The following WDR1 variants were observed in gnomAD, a reference collection of about 807,000 sequenced individuals.
WDR1 encodes WD repeat domain 1, also known as WD repeat-containing protein 1.
In WDR1, 21 loss-of-function variants were observed where a neutral mutation model predicts 71.9. The ratio of observed to expected loss-of-function variants is 0.29; its 90% CI spans 0.21 to 0.42. WDR1 has a LOEUF of 0.42. Ranked by LOEUF, WDR1 falls within the 10% of genes least tolerant of loss-of-function variation. WDR1 has a pLI of 1.00. For missense variants in WDR1, 696 were observed against 824.5 expected (o/e 0.84, Z 1.91); for synonymous variants, 424 against 347.4 (o/e 1.22, Z -2.45).
chr4:10,101,494 G>C (rs1712682746), intron 3 of WDR1, among the ~76,000 whole-genome samples: 1 of 152,198 alleles, frequency 6.6e-6, no homozygotes, highest in Non-Finnish European at 1.5e-5. Context: ...TCAAAGAAAT[G>C]TATTAGAAAC....
chr4:10,082,646 C>T (rs1222404142), intron 10 of WDR1, among the ~76,000 whole-genome samples: 1 of 152,216 alleles, frequency 6.6e-6, no homozygotes, highest in Non-Finnish European at 1.5e-5. Flanking sequence ...CAGCACCTGC[C>T]CTGTGCCAGG....
chr4:10,084,552 C>CG, intron 8 of WDR1, 22 bp from the exon 9 acceptor site: 1 of 1,611,182 alleles, frequency 6.2e-7, no homozygotes, highest in Non-Finnish European at 8.5e-7. Context: ...ACACACTGGG[C>CG]GGGTAAGCTG....
At chr4:10,096,263 T>G (rs1712345528) in intron 5 of WDR1, 1 of 152,246 alleles carries the variant, frequency 6.6e-6, no homozygotes, top group African/African-American at 2.4e-5. Flanking sequence ...CACAGAAGTC[T>G]CTGAGCTGCT....
At chr4:10,103,846 C>G in intron 3 of WDR1, 50 bp downstream of exon 3, 2 of 1,468,390 alleles carry the variant, frequency 1.4e-6, no homozygotes, top group South Asian at 2.4e-5. Context: ...GGGCCCTGAG[C>G]GCCACCCAGG....
chr4:10,100,242 G>A (rs896554847), intron 3 of WDR1, among the ~76,000 whole-genome samples: 1 of 152,218 alleles, frequency 6.6e-6, no homozygotes, highest in Non-Finnish European at 1.5e-5. Context: ...CCAGGCCTTG[G>A]GAGCAGGGGC....
At position 10,116,658 on chromosome 4, in the gene WDR1, G is replaced by C; in HGVS notation, c.9C>G (p.Tyr3Ter). 1 of 1,342,554 alleles carries C rather than the reference G, an allele frequency of 7.4e-7. No homozygotes were observed. Among genetic ancestry groups the C allele is most frequent in the Non-Finnish European group, 9.6e-7 (1 of 1,039,308 alleles). 83.2% of individuals were successfully genotyped at this position (1,342,554 alleles called of 1,614,324 possible). The change falls in exon 1 of 15, where the codon TAC becomes TAG. Residue 3 changes from tyrosine (Y) to a stop codon, truncating the protein, a stop_gained. Transcript: ENST00000499869. LOFTEE classifies it high-confidence loss of function. ...CCGCGCCGCGGCACTTACTGATCTC[G>C]TACGGCATCCTCGCCCACTTGTTAC... MP[Y>*]EIKKVFASLP... is the part of the protein sequence containing the mutation.
At chr4:10,092,591 C>T (rs1465138391) in intron 5 of WDR1, 3 of 215,122 alleles carry the variant, frequency 1.4e-5, no homozygotes, top group South Asian at 7.2e-5. Flanking sequence ...AGATGCCCCT[C>T]GAGTAGCTCA....
chr4:10,105,341 AAAG>A (rs1578444441), intron 2 of WDR1, among the ~76,000 whole-genome samples: 1 of 152,196 alleles, frequency 6.6e-6, no homozygotes, highest in South Asian at 2.1e-4. Context: ...GGGGAGAAAA[AAAG>A]AAGTACACAC....
At chr4:10,106,109 G>A (rs910618912) in intron 2 of WDR1, among the ~76,000 whole-genome samples, 9 of 152,048 alleles carry the variant, frequency 5.9e-5, no homozygotes, top group African/African-American at 1.9e-4. Context: ...GAGGGTGGAA[G>A]GGGTGGCGGG....
At position 10,078,876 on chromosome 4, in the gene WDR1, A is replaced by G; in HGVS notation, c.1395+15T>C. The G allele has an allele frequency of 3.7e-6, 6 of 1,605,444 alleles. No individual in the cohort carries two copies. The highest frequency in any genetic ancestry group is 5.1e-6 in the Non-Finnish European group (6 of 1,173,340). ...ACCAAGGACAGAGAGCACGGGGGAG[A>G]GGAAAGCGACTTACCACACCCCCAA... On this transcript the variant is annotated intron_variant, in intron 12 of 14. Coordinates refer to ENST00000499869, the MANE Select transcript of WDR1 (RefSeq NM_017491.5).
Position 10,116,661 on chromosome 4 carries a change from C to G in WDR1, c.6G>C (p.Pro2=). The G allele has an allele frequency of 1.5e-6, 2 of 1,344,552 alleles. No individual in the cohort carries two copies. The highest frequency in any genetic ancestry group is 9.6e-7 in the Non-Finnish European group (1 of 1,040,354). 83.3% of individuals were successfully genotyped at this position (1,344,552 alleles called of 1,614,324 possible). A position where few individuals can be genotyped will look rare whatever the true frequency, so the allele number is the denominator to read the frequency against. The part of the protein sequence containing the change: M[P]YEIKKVFASL... ...CGCCGCGGCACTTACTGATCTCGTA[C>G]GGCATCCTCGCCCACTTGTTACCGC... is the stretch of plus-strand genomic sequence containing the variant. The change falls in exon 1 of 15, where the codon CCG becomes CCC. Residue 2 remains proline, a synonymous_variant. Coordinates refer to ENST00000499869, the MANE Select transcript of WDR1 (RefSeq NM_017491.5).
At chr4:10,112,880 C>G (rs1033030621) in intron 2 of WDR1, among the ~76,000 whole-genome samples, 13 of 152,246 alleles carry the variant, frequency 8.5e-5, no homozygotes, top group Admixed American at 7.8e-4. Flanking sequence ...CCCTGCTGGC[C>G]TGGAGCTGAT....
At chr4:10,111,885 A>C (rs961741236) in intron 2 of WDR1, among the ~76,000 whole-genome samples, 2 of 148,704 alleles carry the variant, frequency 1.3e-5, no homozygotes, top group Non-Finnish European at 3.0e-5. Context: ...ATTGCTATAA[A>C]CCTTGCACTC....
chr4:10,116,300 A>G (rs1478019761), intron 1 of WDR1, 66 bp from the exon 2 acceptor site: 11 of 1,605,578 alleles, frequency 6.9e-6, no homozygotes, highest in Non-Finnish European at 9.4e-6. Flanking sequence ...CAGAAGGGAG[A>G]AGGAGCCCCG....
chr4:10,075,025 C>G lies in WDR1; in HGVS notation c.*353G>C. ...CGGCTCATTCACCTGTACAACCTCC[C>G]CTGACAGATAGTGAGAGCCGCGGCG... On this transcript the variant is annotated 3_prime_UTR_variant, in exon 15 of 15. Coordinates refer to ENST00000499869, the MANE Select transcript of WDR1 (RefSeq NM_017491.5). 2.7e-6 allele frequency: 1 copy of G among 374,188 alleles called. No homozygotes were observed. The highest frequency in any genetic ancestry group is 4.8e-6 in the Non-Finnish European group (1 of 207,170). The allele number at this position is 374,188 out of a possible 1,614,324, so 23.2% of individuals were successfully genotyped here. A position where few individuals can be genotyped will look rare whatever the true frequency, so the allele number is the denominator to read the frequency against.
chr4:10,085,987 A>T (rs750098427), intron 8 of WDR1, among the ~76,000 whole-genome samples: 8 of 152,178 alleles, frequency 5.3e-5, no homozygotes, highest in Non-Finnish European at 1.0e-4. Flanking sequence ...GGCCGGGTGC[A>T]CTGGCCCCAG....
chr4:10,098,696 T>A, intron 4 of WDR1, among the ~76,000 whole-genome samples: 1 of 152,228 alleles, frequency 6.6e-6, no homozygotes, highest in East Asian at 1.9e-4. Context: ...TTTCACTCTG[T>A]CCCCTTCTTG....
At chr4:10,090,867 T>A (rs1711929343) in intron 5 of WDR1, among the ~76,000 whole-genome samples, 1 of 152,374 alleles carries the variant, frequency 6.6e-6, no homozygotes, top group South Asian at 2.1e-4. Flanking sequence ...CCTGCCTCAT[T>A]TCAGGGAGTG....
chr4:10,093,164 A>G (rs1442937630), intron 5 of WDR1: 3 of 1,288,778 alleles, frequency 2.3e-6, no homozygotes, highest in Non-Finnish European at 3.0e-6. Context: ...ACACATGCTC[A>G]CTACCTACCT....
Sources: gnomAD v4.1 joint callset for allele counts (sites outside exome capture counted in the v4.1 genomes callset) on GRCh38, gnomAD v4.1.1 for gene constraint, MANE v1.5 for transcripts, NCBI Gene and HGNC (gene_info 2026-07-23, HGNC 2026-07-21) for gene names.